SCN7A: variants seen among roughly 807,000 people sequenced by gnomAD.
SCN7A encodes the protein sodium voltage-gated channel alpha subunit 7, also known as sodium channel protein type 7 subunit alpha.
SCN7A carries 138 observed loss-of-function variants against 155.2 expected under a neutral mutation model. The ratio of observed to expected loss-of-function variants is 0.89; its 90% CI spans 0.77 to 1.02. The LOEUF (loss-of-function observed/expected upper bound fraction) is 1.02. Among genes scored for constraint, SCN7A ranks in the 50% least tolerant of loss-of-function variants. The pLI is 0.00. For synonymous variants in SCN7A, 693 were observed against 649.0 expected (o/e 1.07, Z -1.03); for missense variants, 2,058 against 1,986.6 (o/e 1.04, Z -0.68).
chr2:166,440,337 A>G (rs1462425884), intron 15 of SCN7A, among the ~76,000 whole-genome samples: 2 of 152,212 alleles, frequency 1.3e-5, no homozygotes, highest in African/African-American at 4.8e-5. Flanking sequence ...GTTACATTTA[A>G]GTGCTTCTTA....
rs1449435511 is a variant in SCN7A, at chr2:166,472,318, C to G, written c.571G>C (p.Glu191Gln). ...GACTCAATTTAAAGAAATACTCACT[C>G]AAACACAGTTACGCTGAAATCGAGC... ...NWLDFSVTVF[E>Q]VIIRYSPLDF... Residue 191 changes from glutamate to glutamine, a missense_variant and splice_region_variant, in exon 6 of 26, where the codon GAG becomes CAG. Physicochemically the swap from Glu to Gln is conservative, Grantham distance 29 (BLOSUM62 2). Transcript: ENST00000643258. 2 of 1,597,252 alleles carry G rather than the reference C, an allele frequency of 1.3e-6. No individual in the cohort carries two copies. Among genetic ancestry groups the G allele is most frequent in the East Asian group, 2.2e-5 (1 of 44,640 alleles).
chr2:166,412,426 T>G (rs760968326), intron 23 of SCN7A, 104 bp downstream of exon 23: 33 of 1,185,678 alleles, frequency 2.8e-5, no homozygotes, highest in Non-Finnish European at 3.5e-5. Flanking sequence ...AAAAATGACA[T>G]TAAGCTGAAT....
intron 2 of SCN7A, among the ~76,000 whole-genome samples, chr2:166,480,652 T>A (rs1039900925): frequency 2.0e-5 from 3 of 152,348 alleles, no homozygotes; most frequent in South Asian, 4.1e-4. Context: ...TGTTATACTT[T>A]TAGACTTTTG....
chr2:166,429,940 G>A (rs1701699282), intron 16 of SCN7A, among the ~76,000 whole-genome samples: 1 of 152,026 alleles, frequency 6.6e-6, no homozygotes, highest in Non-Finnish European at 1.5e-5. Flanking sequence ...ATAGGTAATA[G>A]TGCTAATGAT....
chr2:166,420,603 T>C (rs949465979), intron 20 of SCN7A, among the ~76,000 whole-genome samples: 5 of 152,048 alleles, frequency 3.3e-5, no homozygotes, highest in African/African-American at 1.2e-4. Context: ...TAATATTCAA[T>C]CTATTTTCTT....
Position 166,465,852 on chromosome 2 carries a change from C to T in SCN7A, c.800G>A (p.Cys267Tyr). The change falls in exon 8 of 26, where the codon TGT becomes TAT. Residue 267 changes from cysteine to tyrosine, a missense_variant. By Grantham distance (194) the Cys-to-Tyr change is radical. Transcript: ENST00000643258. ...GLFMGNLKHK[C>Y]FRWPQENENE... The stretch of plus-strand genomic sequence containing the variant: ...TTCATTCTCTTGGGGCCATCGAAAA[C>T]ATTTATGTTTCAAGTTGCCCATGAA... 6.2e-7 allele frequency: 1 copy of T among 1,613,804 alleles called. No individual in the cohort carries two copies. Among genetic ancestry groups the T allele is most frequent in the Non-Finnish European group, 8.5e-7 (1 of 1,179,836 alleles).
At chr2:166,493,092 G>A (rs1015171502) in intron 1 of SCN7A, among the ~76,000 whole-genome samples, 1 of 152,166 alleles carries the variant, frequency 6.6e-6, no homozygotes, top group African/African-American at 2.4e-5. Flanking sequence ...CAGGTATGGT[G>A]CCCAGGATTC....
intron 18 of SCN7A, among the ~76,000 whole-genome samples, chr2:166,423,658 C>G (rs1277594152): frequency 6.6e-6 from 1 of 152,006 alleles, no homozygotes; most frequent in Non-Finnish European, 1.5e-5. Context: ...GATCCCAGAA[C>G]TAGTTCTTAT....
At chr2:166,417,587 G>C (rs1245252715) in intron 20 of SCN7A, among the ~76,000 whole-genome samples, 1 of 101,420 alleles carries the variant, frequency 9.9e-6, no homozygotes, top group Non-Finnish European at 2.0e-5. Flanking sequence ...TAATTATTTT[G>C]CTGGCTTAAT....
chr2:166,480,438 A>G (rs183892922), intron 2 of SCN7A, among the ~76,000 whole-genome samples: 1,818 of 150,740 alleles, frequency 0.012, 40 homozygotes, highest in African/African-American at 0.038. Flanking sequence ...AGCCTGGGTG[A>G]AAGAGCGAGA....
chr2:166,459,316 G>A (rs1273254748), intron 10 of SCN7A, among the ~76,000 whole-genome samples: 2 of 151,918 alleles, frequency 1.3e-5, no homozygotes, highest in Non-Finnish European at 2.9e-5. Flanking sequence ...TTACATTTTA[G>A]TTTGAAATAG....
intron 15 of SCN7A, among the ~76,000 whole-genome samples, chr2:166,434,622 A>C (rs1293755607): frequency 2.0e-5 from 3 of 152,120 alleles, no homozygotes; most frequent in Non-Finnish European, 2.9e-5. Flanking sequence ...TCTAGGCAGG[A>C]CCTCCATGGC....
chr2:166,485,081 A>G lies in SCN7A; in HGVS notation c.-15+1775T>C, dbSNP rs545135042. On this transcript the variant is annotated intron_variant, in intron 2 of 25. Transcript: ENST00000643258. ...AAAATAATCAATGAACTACTAATAC[A>G]CATAACAATGACTGAGTGACAAAAA... is the stretch of plus-strand genomic sequence containing the variant. Among the ~76,000 whole-genome samples the G allele has an allele frequency of 3.9e-5, 6 of 152,158 alleles. No homozygotes were observed. In the East Asian group the frequency reaches 9.6e-4, roughly 24 times the overall value.
At position 166,457,049 on chromosome 2, in the gene SCN7A, T is replaced by C. The variant is rs200600632; in HGVS notation, c.1111A>G (p.Met371Val). ...AAACTTACCACCACAAAAAATATCA[T>C]GTAGACCTTCCCAGAAGCATAAAGT... Reference protein sequence around the residue: ...QILYASGKVYMIFFVVVSFLF... With the variant: ...QILYASGKVYVIFFVVVSFLF... Residue 371 changes from methionine to valine, a missense_variant, in exon 11 of 26, where the codon ATG becomes GTG. Coordinates refer to ENST00000643258, the MANE Select transcript of SCN7A (RefSeq NM_002976.4). The C allele has an allele frequency of 1.7e-4, 278 of 1,609,444 alleles. 1 individual carries two copies. Among genetic ancestry groups the C allele is most frequent in the South Asian group, 7.1e-4 (64 of 90,410 alleles).
intron 13 of SCN7A, among the ~76,000 whole-genome samples, chr2:166,444,305 A>C (rs1702017615): frequency 6.6e-6 from 1 of 152,228 alleles, no homozygotes. Flanking sequence ...TACCAGGCTA[A>C]AATGGTAAGT....
At chr2:166,470,104 T>G (rs1302027526) in intron 7 of SCN7A, among the ~76,000 whole-genome samples, 1 of 151,826 alleles carries the variant, frequency 6.6e-6, no homozygotes, top group Non-Finnish European at 1.5e-5. Flanking sequence ...AACTTAGTCT[T>G]CAGCATCTTC....
intron 15 of SCN7A, among the ~76,000 whole-genome samples, chr2:166,440,282 T>C (rs545213808): frequency 6.6e-6 from 1 of 152,324 alleles, no homozygotes; most frequent in East Asian, 1.9e-4. Flanking sequence ...ATATTTTTAT[T>C]AATTCCCCAG....
At position 166,429,294 on chromosome 2, in the gene SCN7A, CA is replaced by C; in HGVS notation, c.2593-21del. ...TATTTTCTAAAAGGTGAAGTCCCAC[CA>C]AAAAAGTTGTGATTAAAGTTTCATT... On this transcript the variant is annotated intron_variant, in intron 16 of 25. Coordinates refer to ENST00000643258, the MANE Select transcript of SCN7A (RefSeq NM_002976.4). The C allele has an allele frequency of 1.4e-6, 2 of 1,430,384 alleles. No individual in the cohort carries two copies. The highest frequency in any genetic ancestry group is 1.3e-5 in the South Asian group (1 of 74,296). 88.6% of individuals were successfully genotyped at this position (1,430,384 alleles called of 1,614,324 possible).
At chr2:166,412,240 TTACAG>T (rs1358093866) in intron 23 of SCN7A, among the ~76,000 whole-genome samples, 2 of 152,122 alleles carry the variant, frequency 1.3e-5, no homozygotes, top group African/African-American at 2.4e-5. Flanking sequence ...AAAATTTTAC[TTACAG>T]TATTTATTTT....
Sources: gnomAD v4.1 joint callset for allele counts (sites outside exome capture counted in the v4.1 genomes callset) on GRCh38, gnomAD v4.1.1 for gene constraint, MANE v1.5 for transcripts, NCBI Gene and HGNC (gene_info 2026-07-23, HGNC 2026-07-21) for gene names.